HTR1F: variants seen among roughly 807,000 people sequenced by gnomAD.
HTR1F encodes the protein 5-hydroxytryptamine (serotonin) receptor 1F, G protein-coupled.
HTR1F carries 17 observed loss-of-function variants against 24.0 expected under a neutral mutation model. The observed-to-expected ratio is 0.71, with a 90% CI of 0.48 to 1.06. The LOEUF is 1.06. Among genes scored for constraint, HTR1F ranks in the 50% least tolerant of loss-of-function variants. The pLI, the probability that HTR1F is intolerant of heterozygous loss-of-function variation, is 0.00. For synonymous variants in HTR1F, 186 were observed against 156.8 expected (o/e 1.19, Z -1.39); for missense variants, 391 against 427.8 (o/e 0.91, Z 0.76).
chr3:87,802,600 C>T (rs1168086934), intron 1 of HTR1F, among the ~76,000 whole-genome samples: 1 of 152,038 alleles, frequency 6.6e-6, no homozygotes. Context: ...CCTGCCTCAG[C>T]ACCCCCTCAA....
chr3:87,947,479 A>G (rs1288996338), intron 2 of HTR1F, among the ~76,000 whole-genome samples: 1 of 152,160 alleles, frequency 6.6e-6, no homozygotes, highest in African/African-American at 2.4e-5. Flanking sequence ...TAAGAGGACT[A>G]TTTTCATATA....
At chr3:87,935,822 A>T (rs1049265399) in intron 2 of HTR1F, among the ~76,000 whole-genome samples, 1 of 152,100 alleles carries the variant, frequency 6.6e-6, no homozygotes, top group Admixed American at 6.6e-5. Context: ...CTGAAAAAAA[A>T]AATTTGGCTT....
At chr3:87,889,171 TG>T (rs1706024488) in intron 2 of HTR1F, among the ~76,000 whole-genome samples, 1 of 152,068 alleles carries the variant, frequency 6.6e-6, no homozygotes, top group Admixed American at 6.6e-5. Flanking sequence ...CTACCATGAG[TG>T]GAAGCAGCCT....
chr3:87,989,249 A>C (rs1705762547), intron 2 of HTR1F, among the ~76,000 whole-genome samples: 1 of 152,178 alleles, frequency 6.6e-6, no homozygotes, highest in Non-Finnish European at 1.5e-5. Context: ...CCATGAATGG[A>C]GAGTCCTTTT....
At chr3:87,794,927 TTTTA>T (rs1343700257) in intron 1 of HTR1F, among the ~76,000 whole-genome samples, 1 of 152,086 alleles carries the variant, frequency 6.6e-6, no homozygotes, top group East Asian at 1.9e-4. Flanking sequence ...GATATTTTAT[TTTTA>T]TTTAAAGTTG....
intron 2 of HTR1F, among the ~76,000 whole-genome samples, chr3:87,942,742 T>TGTCC (rs1704600880): frequency 6.6e-6 from 1 of 150,540 alleles, no homozygotes; most frequent in African/African-American, 2.5e-5. Flanking sequence ...CGGTGGCCTT[T>TGTCC]TTTTTTTTTA....
chr3:87,842,211 G>A (rs1425738309), intron 2 of HTR1F, among the ~76,000 whole-genome samples: 1 of 151,736 alleles, frequency 6.6e-6, no homozygotes. Context: ...GCCCAGGCTG[G>A]AGTGCAGTGG....
intron 1 of HTR1F, among the ~76,000 whole-genome samples, chr3:87,804,951 A>G (rs573014996): frequency 7.2e-5 from 11 of 152,228 alleles, no homozygotes; most frequent in African/African-American, 2.6e-4. Flanking sequence ...TGAAATTCAT[A>G]TTTATATATC....
chr3:87,806,045 A>T (rs1704068465), intron 1 of HTR1F, among the ~76,000 whole-genome samples: 1 of 152,082 alleles, frequency 6.6e-6, no homozygotes, highest in Non-Finnish European at 1.5e-5. Context: ...TTCACTCAAC[A>T]TAATGACCGC....
intron 2 of HTR1F, among the ~76,000 whole-genome samples, chr3:87,925,285 T>C (rs1272384391): frequency 1.3e-5 from 2 of 152,108 alleles, no homozygotes; most frequent in African/African-American, 4.8e-5. Flanking sequence ...CCTTGGACTC[T>C]AGGGGGCACA....
intron 2 of HTR1F, among the ~76,000 whole-genome samples, chr3:87,934,063 C>T (rs1430266884): frequency 6.6e-6 from 1 of 152,174 alleles, no homozygotes; most frequent in African/African-American, 2.4e-5. Context: ...TCGTCTTTGG[C>T]CCACATTCCT....
At chr3:87,958,152 T>A (rs1200570650) in intron 2 of HTR1F, among the ~76,000 whole-genome samples, 1 of 151,648 alleles carries the variant, frequency 6.6e-6, no homozygotes. Context: ...TTTAGATGTA[T>A]GCTGTTCAAT....
chr3:87,987,287 T>C (rs1705683164), intron 2 of HTR1F, among the ~76,000 whole-genome samples: 1 of 152,112 alleles, frequency 6.6e-6, no homozygotes, highest in Non-Finnish European at 1.5e-5. Flanking sequence ...TAATTTACCA[T>C]GTTACTAATA....
At chr3:87,935,462 T>G (rs983740663) in intron 2 of HTR1F, among the ~76,000 whole-genome samples, 1 of 151,774 alleles carries the variant, frequency 6.6e-6, no homozygotes, top group Non-Finnish European at 1.5e-5. Context: ...CTTCTGCAAG[T>G]GTCTTATCCT....
At chr3:87,836,508 T>C (rs1356786994) in intron 2 of HTR1F, among the ~76,000 whole-genome samples, 1 of 152,152 alleles carries the variant, frequency 6.6e-6, no homozygotes, top group Non-Finnish European at 1.5e-5. Context: ...AATAATAGAG[T>C]CATCCAGTAA....
chr3:87,907,524 A>T (rs1703694256), intron 2 of HTR1F, among the ~76,000 whole-genome samples: 3 of 152,224 alleles, frequency 2.0e-5, no homozygotes, highest in African/African-American at 7.2e-5. Flanking sequence ...TCTAAAACAA[A>T]ATTGATTTGA....
chr3:87,899,588 G>A (rs938160915), intron 2 of HTR1F, among the ~76,000 whole-genome samples: 4 of 152,048 alleles, frequency 2.6e-5, no homozygotes, highest in African/African-American at 4.8e-5. Context: ...TATCATGGCC[G>A]GGTGCGGTGA....
chr3:87,896,805 G>A (rs1706207693), intron 2 of HTR1F, among the ~76,000 whole-genome samples: 1 of 152,084 alleles, frequency 6.6e-6, no homozygotes, highest in Non-Finnish European at 1.5e-5. Context: ...ATGGCCAGCA[G>A]GTATGTGAAA....
At chr3:87,918,689 A>C (rs1703947474) in intron 2 of HTR1F, among the ~76,000 whole-genome samples, 1 of 152,102 alleles carries the variant, frequency 6.6e-6, no homozygotes, top group Non-Finnish European at 1.5e-5. Flanking sequence ...CCTCTAAAGG[A>C]AAACTACGAA....
Sources: gnomAD v4.1 joint callset for allele counts (sites outside exome capture counted in the v4.1 genomes callset) on GRCh38, gnomAD v4.1.1 for gene constraint, MANE v1.5 for transcripts, NCBI Gene and HGNC (gene_info 2026-07-23, HGNC 2026-07-21) for gene names.